The following DDAH1 variants were observed in gnomAD, a reference collection of about 807,000 sequenced individuals.
DDAH1 encodes N(G),N(G)-dimethylarginine dimethylaminohydrolase 1.
Under a neutral mutation model 28.8 loss-of-function variants are expected in DDAH1, and 19 were observed. The observed-to-expected ratio is 0.66, with a 90% CI of 0.46 to 0.97. The LOEUF is 0.97. Among genes scored for constraint, DDAH1 ranks in the 50% least tolerant of loss-of-function variants. The pLI is 0.00. For missense variants in DDAH1, 326 were observed against 375.9 expected (o/e 0.87, Z 1.10); for synonymous variants, 153 against 154.4 (o/e 0.99, Z 0.07).
At chr1:85,506,792 AG>A (rs1657033257) in intron 1 of DDAH1, among the ~76,000 whole-genome samples, 1 of 152,206 alleles carries the variant, frequency 6.6e-6, no homozygotes, top group South Asian at 2.1e-4. Context: ...AGCAAGGTAG[AG>A]AAATGGTGAC....
At chr1:85,358,982 C>T in intron 1 of DDAH1, 135 bp from the exon 2 acceptor site, 1 of 558,988 alleles carries the variant, frequency 1.8e-6, no homozygotes. Context: ...CACACCCATC[C>T]TTGTGAATAT....
Position 85,464,803 on chromosome 1 carries a change from G to A in DDAH1, c.243C>T (p.Ala81=), listed in dbSNP as rs746174038. ...LPDCVFVEDV[A]VVCEETALIT... ...TGAGGGCCGTCTCCTCGCACACCAC[G>A]GCCACGTCCTCCACGAAGACGCAGT... Residue 81 remains alanine, a synonymous_variant, in exon 1 of 6, where the codon GCC becomes GCT. Transcript: ENST00000284031. The surrounding 1 kb of genome is among the most constrained non-coding windows in gnomAD (Gnocchi z 4.4). The A allele has an allele frequency of 1.3e-6, 2 of 1,586,140 alleles. No individual in the cohort carries two copies. Among genetic ancestry groups the A allele is most frequent in the East Asian group, 4.7e-5 (2 of 42,492 alleles).
intron 1 of DDAH1, among the ~76,000 whole-genome samples, chr1:85,549,187 G>A (rs1395390980): frequency 6.6e-6 from 1 of 152,110 alleles, no homozygotes; most frequent in African/African-American, 2.4e-5. Context: ...TCTAAGCACT[G>A]TACAGACTGC....
chr1:85,348,538 C>A (rs758502552), intron 4 of DDAH1, among the ~76,000 whole-genome samples: 13 of 152,192 alleles, frequency 8.5e-5, no homozygotes, highest in Non-Finnish European at 1.6e-4. Flanking sequence ...TTGCTCACAT[C>A]TCATCAATGT....
intron 1 of DDAH1, among the ~76,000 whole-genome samples, chr1:85,538,859 C>T (rs530885841): frequency 2.0e-5 from 3 of 152,346 alleles, no homozygotes; most frequent in Non-Finnish European, 4.4e-5. Context: ...TTATACTCTA[C>T]ACTGTTGGCC....
At chr1:85,348,689 C>T (rs1490978806) in intron 4 of DDAH1, among the ~76,000 whole-genome samples, 1 of 152,226 alleles carries the variant, frequency 6.6e-6, no homozygotes, top group Non-Finnish European at 1.5e-5. Flanking sequence ...AATATCTAGG[C>T]CTCAGGGAAC....
upstream of DDAH1, among the ~76,000 whole-genome samples, chr1:85,467,955 G>A (rs1403956): frequency 0.42 from 63,198 of 152,026 alleles, 14,221 homozygotes; most frequent in Middle Eastern, 0.56. Flanking sequence ...AGGAAGGTAA[G>A]GGAAAGAGAG....
At chr1:85,349,005 A>G (rs190037127) in intron 4 of DDAH1, among the ~76,000 whole-genome samples, 77 of 152,330 alleles carry the variant, frequency 5.1e-4, no homozygotes, top group African/African-American at 1.8e-3. Context: ...AGACATATGC[A>G]GACCAGCCTA....
At chr1:85,566,401 A>G (rs1048500640) in intron 1 of DDAH1, among the ~76,000 whole-genome samples, 4 of 150,280 alleles carry the variant, frequency 2.7e-5, no homozygotes, top group African/African-American at 9.8e-5. Context: ...CTGATGTGGG[A>G]GGATGGCTCG....
intron 1 of DDAH1, among the ~76,000 whole-genome samples, chr1:85,539,897 G>A (rs1570657794): frequency 1.3e-5 from 2 of 150,532 alleles, no homozygotes; most frequent in Admixed American, 1.3e-4. Flanking sequence ...ACTTTATTGA[G>A]CCCACTATGT....
chr1:85,353,360 T>C (rs1192581753), intron 2 of DDAH1, among the ~76,000 whole-genome samples: 3 of 152,114 alleles, frequency 2.0e-5, no homozygotes, highest in Admixed American at 6.5e-5. Flanking sequence ...ATAAGAAGAG[T>C]AGCCATGCAG....
Position 85,386,685 on chromosome 1 carries a change from C to T in DDAH1, c.304-27838G>A, listed in dbSNP as rs1406818863. The stretch of plus-strand genomic sequence containing the variant: ...GCCCCATTCCCACAGCTTCATTAAG[C>T]AATACCCCAGTGGGGACTCTGTGTA... On this transcript the variant is annotated intron_variant, in intron 1 of 5. Transcript: ENST00000284031. 3.9e-5 allele frequency among the ~76,000 whole-genome samples: 6 copies of T among 152,246 alleles called. No individual in the cohort carries two copies. The South Asian group carries it at 6.2e-4, about 16-fold the overall frequency.
At chr1:85,541,737 T>C (rs574222522) in intron 1 of DDAH1, among the ~76,000 whole-genome samples, 5 of 152,152 alleles carry the variant, frequency 3.3e-5, no homozygotes, top group Non-Finnish European at 7.4e-5. Flanking sequence ...CTTTGGGAGA[T>C]GATTAGATCA....
At chr1:85,384,378 A>AT (rs1310011422) in intron 1 of DDAH1, among the ~76,000 whole-genome samples, 19 of 152,096 alleles carry the variant, frequency 1.2e-4, no homozygotes, top group Admixed American at 1.2e-3. Context: ...TCCCAAACTG[A>AT]TTTTTTGTCC....
rs532704291 is a variant in DDAH1, at chr1:85,570,037, T to C, written c.-123+7947A>G. Among the ~76,000 whole-genome samples, 9 of 152,238 alleles carry C rather than the reference T, an allele frequency of 5.9e-5. No homozygotes were observed. The South Asian group carries it at 6.2e-4, about 11-fold the overall frequency. ...CCAAGCTGACGCTGATCACAAACAT[T>C]TGGAGGGCACATCTCAGTTTCTGGA... is the stretch of plus-strand genomic sequence containing the variant. On this transcript the variant is annotated intron_variant, in intron 1 of 6. Coordinates refer to the DDAH1 transcript ENST00000426972.
intron 1 of DDAH1, among the ~76,000 whole-genome samples, chr1:85,392,306 C>T (rs1267207626): frequency 1.3e-5 from 2 of 152,098 alleles, no homozygotes; most frequent in African/African-American, 4.8e-5. Flanking sequence ...CAAATTTCCT[C>T]TTCTTATAAA....
At chr1:85,461,681 T>C (rs558267683) in intron 1 of DDAH1, among the ~76,000 whole-genome samples, 9 of 152,348 alleles carry the variant, frequency 5.9e-5, no homozygotes, top group Admixed American at 5.2e-4. Flanking sequence ...AAATATTTGC[T>C]ACATGCCTAT....
upstream of DDAH1, among the ~76,000 whole-genome samples, chr1:85,466,963 G>C (rs902958644): frequency 6.8e-6 from 1 of 146,946 alleles, no homozygotes; most frequent in East Asian, 2.1e-4. Flanking sequence ...TCGGCCTCCC[G>C]AGTAGCTGGG....
intron 1 of DDAH1, among the ~76,000 whole-genome samples, chr1:85,545,872 G>T (rs1156589711): frequency 6.6e-6 from 1 of 152,078 alleles, no homozygotes; most frequent in Admixed American, 6.6e-5. Flanking sequence ...CTAACCTCAA[G>T]TGTGTAGGTT....
Sources: gnomAD v4.1 joint callset for allele counts (sites outside exome capture counted in the v4.1 genomes callset) on GRCh38, gnomAD v4.1.1 for gene constraint, Gnocchi (gnomAD v3.1) non-coding constraint, MANE v1.5 for transcripts, NCBI Gene and HGNC (gene_info 2026-07-23, HGNC 2026-07-21) for gene names.